Variants in BIVM observed in about 807,000 individuals in gnomAD.
BIVM encodes basic, immunoglobulin-like variable motif containing.
In BIVM, 31 loss-of-function variants were observed where a neutral mutation model predicts 61.4. That is an observed-to-expected ratio of 0.51 (90% CI 0.38 to 0.68). BIVM has a LOEUF of 0.68. Ranked by LOEUF, BIVM falls within the 30% of genes least tolerant of loss-of-function variation. The pLI is 0.00. For missense variants in BIVM, 526 were observed against 596.0 expected, an observed-to-expected ratio of 0.88 and a Z score of 1.22; for synonymous variants, 189 against 210.7, an observed-to-expected ratio of 0.90 and a Z score of 0.89.
rs1489646350 is a variant in BIVM, at chr13:102,838,686, T to C, written c.1165T>C (p.Tyr389His). 6.2e-7 allele frequency: 1 copy of C among 1,613,360 alleles called. No homozygotes were observed. The highest frequency in any genetic ancestry group is 8.5e-7 in the Non-Finnish European group (1 of 1,179,634). ...VTDLNTQNPE[Y>H]LDIRHLERGL... ...TGATCTAAACACTCAAAATCCAGAA[T>C]ACCTGGATATCCGGCACTTAGAGAG... Residue 389 changes from tyrosine to histidine, a missense_variant, in exon 10 of 11, where the codon TAC becomes CAC. Tyr to His is a moderately conservative substitution (Grantham distance 83). Coordinates refer to ENST00000257336, the MANE Select transcript of BIVM (RefSeq NM_017693.4).
intron 9 of BIVM, among the ~76,000 whole-genome samples, chr13:102,835,723 G>C (rs1044024447): frequency 1.3e-5 from 2 of 152,142 alleles, no homozygotes; most frequent in Non-Finnish European, 2.9e-5. Flanking sequence ...CGTAGAGACG[G>C]GGTTTCGCCA....
intron 5 of BIVM, 73 bp from the exon 6 acceptor site, chr13:102,821,670 T>G: frequency 7.7e-7 from 1 of 1,306,020 alleles, no homozygotes; most frequent in Non-Finnish European, 1.1e-6. Flanking sequence ...ACAAGCATAT[T>G]AACATTGAGA....
At chr13:102,836,247 G>A (rs1484535022) in intron 9 of BIVM, among the ~76,000 whole-genome samples, 2 of 151,788 alleles carry the variant, frequency 1.3e-5, no homozygotes, top group Non-Finnish European at 2.9e-5. Flanking sequence ...CCTACCCCAC[G>A]ACCTCAAAGA....
chr13:102,837,879 T>TGGACTTTGG (rs1009871872), intron 9 of BIVM, among the ~76,000 whole-genome samples: 5 of 152,202 alleles, frequency 3.3e-5, no homozygotes, highest in Admixed American at 3.3e-4. Flanking sequence ...AATGATATAA[T>TGGACTTTGG]GGACTTTGGG....
chr13:102,800,043 T>C (rs1878640737), intron 1 of BIVM, among the ~76,000 whole-genome samples: 1 of 152,182 alleles, frequency 6.6e-6, no homozygotes, highest in Admixed American at 6.5e-5. Context: ...CCGCCTCCTC[T>C]GCCTGCCTCC....
intron 8 of BIVM, 85 bp from the exon 9 acceptor site, chr13:102,834,381 A>T: frequency 7.5e-7 from 1 of 1,331,606 alleles, no homozygotes; most frequent in Non-Finnish European, 1.0e-6. Flanking sequence ...AATACACTCT[A>T]GTATGCCTTT....
At chr13:102,814,314 C>T (rs949016628) in intron 3 of BIVM, among the ~76,000 whole-genome samples, 5 of 152,296 alleles carry the variant, frequency 3.3e-5, no homozygotes, top group African/African-American at 9.6e-5. Context: ...GTCAAATGAA[C>T]TTTTGCCTGT....
rs1351314793 is a variant in BIVM, at chr13:102,831,544, GTGTT to G, written c.902-11_902-8del. 10 of 1,613,656 alleles carry G rather than the reference GTGTT, an allele frequency of 6.2e-6. No individual in the cohort carries two copies. The highest frequency in any genetic ancestry group is 8.5e-6 in the Non-Finnish European group (10 of 1,179,866). The stretch of plus-strand genomic sequence containing the variant: ...ACTGCTTTATGGGCTTTCAGTTTGT[GTGTT>G]TGTTTGTTTTTAATAGCTTCAGGGG... On this transcript the variant is annotated splice_polypyrimidine_tract_variant and intron_variant, in intron 7 of 10. Transcript: ENST00000257336.
intron 9 of BIVM, among the ~76,000 whole-genome samples, chr13:102,837,171 G>A (rs1333753636): frequency 4.6e-5 from 7 of 152,006 alleles, no homozygotes; most frequent in African/African-American, 1.4e-4. Flanking sequence ...TCAGCTACTC[G>A]GGAGGCTGAG....
intron 1 of BIVM, among the ~76,000 whole-genome samples, chr13:102,802,607 G>T (rs1255825780): frequency 7.0e-6 from 1 of 142,306 alleles, no homozygotes; most frequent in Non-Finnish European, 1.5e-5. Flanking sequence ...AATATAAAAT[G>T]CATCCTTATA....
chr13:102,827,351 A>T (rs61294042), intron 7 of BIVM, among the ~76,000 whole-genome samples: 2,526 of 151,946 alleles, frequency 0.017, 76 homozygotes, highest in African/African-American at 0.057. Context: ...GAATGGGATA[A>T]ACTACCTATT....
chr13:102,824,573 A>T (rs1416046902), intron 7 of BIVM, among the ~76,000 whole-genome samples: 1 of 152,146 alleles, frequency 6.6e-6, no homozygotes, highest in Non-Finnish European at 1.5e-5. Flanking sequence ...TGAGAGACAC[A>T]TGGTTCTGGG....
chr13:102,816,389 T>C (rs1009074972), intron 3 of BIVM, 39 bp from the exon 4 acceptor site: 20 of 1,496,492 alleles, frequency 1.3e-5, no homozygotes, highest in Non-Finnish European at 1.7e-5. Context: ...GTTTACTTCA[T>C]CTTAAGCATT....
intron 1 of BIVM, among the ~76,000 whole-genome samples, chr13:102,804,680 G>A (rs1277452925): frequency 4.7e-5 from 7 of 150,350 alleles, no homozygotes; most frequent in Non-Finnish European, 8.9e-5. Flanking sequence ...GGCTAGTCTT[G>A]AACTCCTGAC....
At chr13:102,827,174 A>G (rs1595357132) in intron 7 of BIVM, among the ~76,000 whole-genome samples, 1 of 150,026 alleles carries the variant, frequency 6.7e-6, no homozygotes. Context: ...ATAGTCTGGT[A>G]CCTCCCAAGT....
At position 102,820,611 on chromosome 13, in the gene BIVM, A is replaced by G. The variant is rs80009118; in HGVS notation, c.606-426A>G. 4.2e-3 allele frequency: 756 copies of G among 181,236 alleles called. 22 individuals carry two copies. Among genetic ancestry groups the G allele is most frequent in the East Asian group, 0.039 (215 of 5,448 alleles). 11.2% of individuals were successfully genotyped at this position (181,236 alleles called of 1,614,324 possible). Reference sequence around the variant, plus strand: ...TCTTGCCCAAGGATTTTAGATGGACACAGTGGGTAATAAATGGATGAATTT... The same window carrying G: ...TCTTGCCCAAGGATTTTAGATGGACGCAGTGGGTAATAAATGGATGAATTT... On this transcript the variant is annotated intron_variant, in intron 4 of 10. Coordinates refer to ENST00000257336, the MANE Select transcript of BIVM (RefSeq NM_017693.4).
rs1595357782 is a variant in BIVM at position 102,827,772 on chromosome 13, C to G, written c.902-3793C>G. The stretch of plus-strand genomic sequence containing the variant: ...GACTGTTCTGAGTAGCCCTTACATG[C>G]TAGATATGATGCCCACGACATTACA... On this transcript the variant is annotated intron_variant, in intron 7 of 10. Transcript: ENST00000257336. Among the ~76,000 whole-genome samples the G allele has an allele frequency of 2.0e-5, 3 of 152,138 alleles. No homozygotes were observed. The South Asian group carries it at 6.2e-4, about 32-fold the overall frequency.
intron 7 of BIVM, among the ~76,000 whole-genome samples, chr13:102,828,354 A>G (rs538602002): frequency 1.3e-5 from 2 of 152,246 alleles, no homozygotes; most frequent in South Asian, 4.1e-4. Context: ...TAGCTTGAAA[A>G]TTGCATTTAT....
chr13:102,830,165 A>G (rs554745032), intron 7 of BIVM, among the ~76,000 whole-genome samples: 16 of 152,120 alleles, frequency 1.1e-4, no homozygotes, highest in Non-Finnish European at 1.8e-4. Context: ...TTTGAATTCT[A>G]TGCCCCTTTT....
Sources: allele counts gnomAD v4.1 joint callset (sites outside exome capture counted in the v4.1 genomes callset), GRCh38; gene constraint gnomAD v4.1.1; transcripts MANE v1.5; gene names NCBI Gene and HGNC (gene_info 2026-07-23, HGNC 2026-07-21).